DNMT3L: variants seen among roughly 807,000 people sequenced by gnomAD.
The protein encoded by DNMT3L is DNA (cytosine-5)-methyltransferase 3-like.
DNMT3L carries 33 observed loss-of-function variants against 36.2 expected under a neutral mutation model. The observed-to-expected ratio is 0.91, with a 90% CI of 0.69 to 1.22. The LOEUF (loss-of-function observed/expected upper bound fraction) is 1.22, where lower values mean the gene tolerates loss of function less well. Among genes scored for constraint, DNMT3L ranks in the 50% most tolerant of loss-of-function variants. DNMT3L has a pLI of 0.00. For missense variants in DNMT3L, 310 were observed against 303.1 expected (o/e 1.02, Z -0.17); for synonymous variants, 117 against 121.7 (o/e 0.96, Z 0.26).
rs1010641611 is a variant in DNMT3L, at chr21:44,259,450, G to C, written c.331C>G (p.Pro111Ala). ...CCCTCGCCTCACCGGGTGCAATCAG[G>C]GTTTCCGCAGATGAGCAGCGTCTCT... is the stretch of plus-strand genomic sequence containing the variant. ...SGETLLICGN[P>A]DCTRCYCFEC... Residue 111 changes from proline (P) to alanine (A), a missense_variant, in exon 5 of 12, where the codon CCT becomes GCT. Transcript: ENST00000628202. The C allele has an allele frequency of 1.9e-6, 3 of 1,613,474 alleles. No individual in the cohort carries two copies. In the East Asian group the frequency reaches 6.7e-5, roughly 36 times the overall value.
chr21:44,254,929 G>A (rs1047838270), intron 7 of DNMT3L, among the ~76,000 whole-genome samples: 11 of 152,098 alleles, frequency 7.2e-5, no homozygotes, highest in Non-Finnish European at 1.2e-4. Context: ...AGGTTCAAGC[G>A]GTTCCCCTGC....
Position 44,254,508 on chromosome 21 carries a change from C to T in DNMT3L, c.693+109G>A, listed in dbSNP as rs1019351184. 6.2e-6 allele frequency: 8 copies of T among 1,292,052 alleles called. No individual in the cohort carries two copies. The African/African-American group carries it at 1.2e-4, about 19-fold the overall frequency. The allele number at this position is 1,292,052 out of a possible 1,614,324, so 80.0% of individuals were successfully genotyped here. On this transcript the variant is annotated intron_variant, in intron 8 of 11. Transcript: ENST00000628202. ...AGGCCCCCGTGTGTTCAGGACTCCTCCCAGCCCCTGCTGCCGCCTCCTTGC... is the reference window on the plus strand; with the variant it reads ...AGGCCCCCGTGTGTTCAGGACTCCTTCCAGCCCCTGCTGCCGCCTCCTTGC...
intron 3 of DNMT3L, among the ~76,000 whole-genome samples, chr21:44,260,048 CA>C (rs765722839): frequency 0.16 from 10,391 of 63,506 alleles, 238 homozygotes; most frequent in African/African-American, 0.24. Flanking sequence ...GAGTGTGTCT[CA>C]AAAAAAAAAA....
chr21:44,261,392 C>G, intron 1 of DNMT3L, 126 bp from the exon 2 acceptor site: 1 of 830,350 alleles, frequency 1.2e-6, no homozygotes, highest in Non-Finnish European at 1.9e-6. Context: ...CCTGAACCCC[C>G]GCGGTGACAC....
rs751460653 is a variant in DNMT3L at position 44,259,532 on chromosome 21, G to A, written c.249C>T (p.Ala83=). The A allele has an allele frequency of 1.2e-6, 2 of 1,613,686 alleles. No individual in the cohort carries two copies. The highest frequency in any genetic ancestry group is 2.2e-5 in the East Asian group (1 of 44,882). The part of the protein sequence containing the change: ...CAPCKDKFLD[A]LFLYDDDGYQ... ...ACCCGTCATCGTCGTACAGGAAGAG[G>A]GCATCCAGGAACTTGTCCTTGGAAG... Residue 83 remains alanine, a synonymous_variant, in exon 5 of 12, where the codon GCC becomes GCT. Coordinates refer to ENST00000628202, the MANE Select transcript of DNMT3L (RefSeq NM_175867.3).
intron 6 of DNMT3L, among the ~76,000 whole-genome samples, chr21:44,256,771 G>A (rs1339167480): frequency 1.3e-5 from 2 of 152,076 alleles, no homozygotes; most frequent in Non-Finnish European, 2.9e-5. Flanking sequence ...TGGGCTAGGC[G>A]GGCAGCCAGC....
At chr21:44,254,576 C>G (rs766918063) in intron 8 of DNMT3L, 41 bp downstream of exon 8, 3 of 1,604,074 alleles carry the variant, frequency 1.9e-6, no homozygotes, top group Non-Finnish European at 2.6e-6. Flanking sequence ...CTCGCACCCC[C>G]GCTCCCACTA....
At chr21:44,253,889 T>C (rs1342461246) in intron 8 of DNMT3L, among the ~76,000 whole-genome samples, 1 of 152,218 alleles carries the variant, frequency 6.6e-6, no homozygotes, top group African/African-American at 2.4e-5. Flanking sequence ...GGCATCATTT[T>C]GTGTCCTTCC....
At chr21:44,260,245 T>TAAAAA (rs2040305307) in intron 3 of DNMT3L, among the ~76,000 whole-genome samples, 1 of 152,068 alleles carries the variant, frequency 6.6e-6, no homozygotes, top group South Asian at 2.1e-4. Context: ...GAGGAGTGGT[T>TAAAAA]GCCTAGAGTT....
intron 5 of DNMT3L, among the ~76,000 whole-genome samples, chr21:44,259,112 C>A (rs1057257077): frequency 6.6e-6 from 1 of 152,040 alleles, no homozygotes; most frequent in Non-Finnish European, 1.5e-5. Context: ...GGAGCCGAGG[C>A]GAGGGAGTAA....
chr21:44,255,250 G>A (rs2040247772), intron 7 of DNMT3L, among the ~76,000 whole-genome samples: 1 of 152,136 alleles, frequency 6.6e-6, no homozygotes, highest in African/African-American at 2.4e-5. Context: ...GCCGGGCACA[G>A]ACGCTCAAGC....
intron 6 of DNMT3L, among the ~76,000 whole-genome samples, chr21:44,257,692 AAAAAT>A (rs1234434242): frequency 1.9e-4 from 15 of 80,148 alleles, no homozygotes; most frequent in African/African-American, 1.2e-3. Flanking sequence ...AAAAAAAAAA[AAAAAT>A]AAATAAATAA....
rs79589187 is a variant in DNMT3L at position 44,259,478 on chromosome 21, G to A, written c.303C>T (p.Ser101=). 6,849 of 1,613,640 alleles carry A rather than the reference G, an allele frequency of 4.2e-3. 216 individuals are homozygous for A. In the East Asian group the frequency reaches 0.082, roughly 19 times the overall value. ...GYQSYCSICC[S]GETLLICGNP... is the part of the protein sequence containing the mutation. ...TTCCGCAGATGAGCAGCGTCTCTCC[G>A]GAGCAGCAGATGGAGCAGTAGGATT... is the stretch of plus-strand genomic sequence containing the variant. Residue 101 remains serine, a synonymous_variant, in exon 5 of 12, where the codon TCC becomes TCT. Transcript: ENST00000628202.
chr21:44,261,403 C>T (rs954857069), intron 1 of DNMT3L, 137 bp from the exon 2 acceptor site: 2 of 732,716 alleles, frequency 2.7e-6, no homozygotes, highest in Admixed American at 2.4e-5. Context: ...GCGGTGACAC[C>T]CACCTGCCCA....
chr21:44,254,911 C>T (rs1344204483), intron 7 of DNMT3L, among the ~76,000 whole-genome samples: 2 of 152,142 alleles, frequency 1.3e-5, no homozygotes, highest in Non-Finnish European at 2.9e-5. Flanking sequence ...CTGCAACCTC[C>T]GCCTCCCAGG....
chr21:44,254,155 G>A (rs1444299597), intron 8 of DNMT3L, among the ~76,000 whole-genome samples: 1 of 152,232 alleles, frequency 6.6e-6, no homozygotes, highest in Non-Finnish European at 1.5e-5. Context: ...CCTCCTTCCA[G>A]CAGCGGGAGG....
At chr21:44,259,407 T>G in intron 5 of DNMT3L, 30 bp downstream of exon 5, 1 of 1,609,208 alleles carries the variant, frequency 6.2e-7, no homozygotes, top group Non-Finnish European at 8.5e-7. Context: ...CTCAGCCCCT[T>G]CACCCCCCTG....
chr21:44,254,366 G>A (rs989240199), intron 8 of DNMT3L, among the ~76,000 whole-genome samples: 9 of 152,232 alleles, frequency 5.9e-5, no homozygotes, highest in African/African-American at 2.2e-4. Context: ...TCTGGGCAAT[G>A]CTGGGACCAC....
At chr21:44,260,984 GGT>G in intron 2 of DNMT3L, 145 bp from the exon 3 acceptor site, 2 of 1,423,694 alleles carry the variant, frequency 1.4e-6, no homozygotes, top group Non-Finnish European at 1.9e-6. Context: ...ACCTTATCTT[GGT>G]GTGTTAAACG....
Sources: allele counts gnomAD v4.1 joint callset (sites outside exome capture counted in the v4.1 genomes callset), GRCh38; gene constraint gnomAD v4.1.1; transcripts MANE v1.5; gene names NCBI Gene and HGNC (gene_info 2026-07-23, HGNC 2026-07-21).